SLC24A2: variants seen among roughly 807,000 people sequenced by gnomAD.
SLC24A2 encodes sodium/potassium/calcium exchanger 2.
Under a neutral mutation model 62.0 loss-of-function variants are expected in SLC24A2, and 36 were observed. That is an observed-to-expected ratio of 0.58 (90% CI 0.44 to 0.77). The LOEUF (loss-of-function observed/expected upper bound fraction) is 0.77, where lower values mean the gene tolerates loss of function less well. Among genes scored for constraint, SLC24A2 ranks in the 30% least tolerant of loss-of-function variants. SLC24A2 has a pLI of 0.00. For synonymous variants in SLC24A2, 358 were observed against 294.0 expected (o/e 1.22, Z -2.23); for missense variants, 846 against 817.9 (o/e 1.03, Z -0.42).
the SLC24A2 span, among the ~76,000 whole-genome samples, chr9:20,218,822 G>A: frequency 3.3e-5 from 5 of 152,232 alleles, no homozygotes; most frequent in South Asian, 8.3e-4. Context: ...CAGAAGACCA[G>A]GCCAAGCTTA....
the SLC24A2 span, among the ~76,000 whole-genome samples, chr9:19,969,621 A>G: frequency 6.6e-6 from 1 of 152,180 alleles, no homozygotes; most frequent in South Asian, 2.1e-4. Context: ...CTGGATAGGC[A>G]ATGCCTGTGA....
chr9:19,598,626 T>G (rs1836766923), intron 4 of SLC24A2, among the ~76,000 whole-genome samples: 1 of 152,024 alleles, frequency 6.6e-6, no homozygotes, highest in African/African-American at 2.4e-5. Context: ...GAAAATTTTT[T>G]TCATGACTTC....
the SLC24A2 span, among the ~76,000 whole-genome samples, chr9:19,831,184 A>T: frequency 6.6e-6 from 1 of 152,154 alleles, no homozygotes; most frequent in African/African-American, 2.4e-5. Context: ...AAGTTTCAAC[A>T]TGAGTTTTAG....
At chr9:20,019,253 GAGAAAGAAAGAA>G in the SLC24A2 span, among the ~76,000 whole-genome samples, 1,835 of 109,722 alleles carry the variant, frequency 0.017, 17 homozygotes, top group South Asian at 0.027. Context: ...AAGAAGGAAA[GAGAAAGAAAGAA>G]AGAAAGAAAG....
chr9:20,105,570 A>C, the SLC24A2 span, among the ~76,000 whole-genome samples: 4 of 152,106 alleles, frequency 2.6e-5, no homozygotes, highest in Non-Finnish European at 4.4e-5. Context: ...AACTACATGG[A>C]AACTGAACAA....
the SLC24A2 span, among the ~76,000 whole-genome samples, chr9:20,278,718 G>A: frequency 6.6e-6 from 1 of 152,168 alleles, no homozygotes; most frequent in East Asian, 1.9e-4. Context: ...AGGAAGTTTA[G>A]ACTTTCTCAC....
the SLC24A2 span, among the ~76,000 whole-genome samples, chr9:19,824,177 T>C: frequency 6.6e-6 from 1 of 152,074 alleles, no homozygotes; most frequent in African/African-American, 2.4e-5. Flanking sequence ...CAAATGGTGA[T>C]CTAATTAAAC....
At chr9:19,624,935 G>A (rs1057373782) in intron 2 of SLC24A2, among the ~76,000 whole-genome samples, 7 of 152,126 alleles carry the variant, frequency 4.6e-5, no homozygotes, top group Non-Finnish European at 8.8e-5. Context: ...AGCTGATTAC[G>A]TTACAAATTC....
the SLC24A2 span, among the ~76,000 whole-genome samples, chr9:20,068,221 C>T: frequency 1.3e-5 from 2 of 151,934 alleles, no homozygotes; most frequent in Non-Finnish European, 2.9e-5. Context: ...CAACACCACG[C>T]CTGGATAATT....
At chr9:19,743,257 T>G (rs1380243905) in intron 2 of SLC24A2, among the ~76,000 whole-genome samples, 1 of 152,142 alleles carries the variant, frequency 6.6e-6, no homozygotes, top group Non-Finnish European at 1.5e-5. Flanking sequence ...TGTCATAGGG[T>G]TAGTCAGTTT....
chr9:20,250,266 C>A, the SLC24A2 span, among the ~76,000 whole-genome samples: 1 of 152,192 alleles, frequency 6.6e-6, no homozygotes. Context: ...AGAATTAGAA[C>A]TCAGATGGCC....
At chr9:20,103,899 C>A in the SLC24A2 span, among the ~76,000 whole-genome samples, 1 of 152,066 alleles carries the variant, frequency 6.6e-6, no homozygotes, top group Non-Finnish European at 1.5e-5. Flanking sequence ...TCAAACTACT[C>A]CAAGCTACAG....
the SLC24A2 span, among the ~76,000 whole-genome samples, chr9:19,985,331 A>C: frequency 0.015 from 2,227 of 152,322 alleles, 50 homozygotes; most frequent in African/African-American, 0.05. Context: ...AAACATTAGA[A>C]ACAAAAGTCC....
chr9:20,087,608 C>A, the SLC24A2 span, among the ~76,000 whole-genome samples: 1 of 152,174 alleles, frequency 6.6e-6, no homozygotes, highest in Non-Finnish European at 1.5e-5. Flanking sequence ...ATAAAATTAA[C>A]ATCTATTATT....
At chr9:19,548,519 G>C (rs1482390476) in intron 8 of SLC24A2, among the ~76,000 whole-genome samples, 1 of 152,184 alleles carries the variant, frequency 6.6e-6, no homozygotes, top group Non-Finnish European at 1.5e-5. Flanking sequence ...TGGGCTCTCA[G>C]GGTTGGGAAG....
intron 2 of SLC24A2, among the ~76,000 whole-genome samples, chr9:19,752,374 G>C (rs1420377476): frequency 6.6e-6 from 1 of 152,054 alleles, no homozygotes; most frequent in Non-Finnish European, 1.5e-5. Context: ...CGAACACCAA[G>C]GGGTTATGGC....
chr9:19,636,505 C>A (rs1353043906), intron 2 of SLC24A2, among the ~76,000 whole-genome samples: 4 of 146,926 alleles, frequency 2.7e-5, no homozygotes, highest in Non-Finnish European at 6.0e-5. Flanking sequence ...GATCTCGGCT[C>A]ACTACAACCT....
In SLC24A2 at chr9:19,513,970, T is replaced by C. The variant is rs1468127774; in HGVS notation, c.*2183A>G. ...GGTGGCAGGTTCCACTCAGCGCCTCTATTGGATGGTGTTTCAATGTCTTGG... is the reference window on the plus strand; with the variant it reads ...GGTGGCAGGTTCCACTCAGCGCCTCCATTGGATGGTGTTTCAATGTCTTGG... On this transcript the variant is annotated 3_prime_UTR_variant, in exon 11 of 11. Coordinates refer to ENST00000341998, the MANE Select transcript of SLC24A2 (RefSeq NM_020344.4). The C allele has an allele frequency of 6.6e-6, 1 of 152,216 alleles. No individual in the cohort carries two copies. The highest frequency in any genetic ancestry group is 1.5e-5 in the Non-Finnish European group (1 of 68,042). The allele number at this position is 152,216 out of a possible 1,614,324, so 9.4% of individuals were successfully genotyped here. A position where few individuals can be genotyped will look rare whatever the true frequency, so the allele number is the denominator to read the frequency against.
the SLC24A2 span, among the ~76,000 whole-genome samples, chr9:19,880,916 C>G: frequency 6.6e-6 from 1 of 152,148 alleles, no homozygotes; most frequent in Non-Finnish European, 1.5e-5. Flanking sequence ...AAAGCAGCTA[C>G]TCTGGAGCCA....
Sources: gnomAD v4.1 joint callset for allele counts (sites outside exome capture counted in the v4.1 genomes callset) on GRCh38, gnomAD v4.1.1 for gene constraint, MANE v1.5 for transcripts, NCBI Gene and HGNC (gene_info 2026-07-23, HGNC 2026-07-21) for gene names.